The following AGBL4 variants were observed in gnomAD, a reference collection of about 807,000 sequenced individuals.
AGBL4 encodes the protein AGBL carboxypeptidase 4.
AGBL4 carries 58 observed loss-of-function variants against 66.4 expected under a neutral mutation model. That is an observed-to-expected ratio of 0.87 (90% CI 0.71 to 1.09). AGBL4 has a LOEUF of 1.09. Among genes scored for constraint, AGBL4 ranks in the 50% least tolerant of loss-of-function variants. The probability of loss-of-function intolerance (pLI) is 0.00; values close to 1 mark genes in which losing one functional copy is unlikely to be tolerated. For synonymous variants in AGBL4, 234 were observed against 222.9 expected (o/e 1.05, Z -0.44); for missense variants, 579 against 631.0 (o/e 0.92, Z 0.88).
chr1:49,113,425 T>C (rs991567880), intron 4 of AGBL4, among the ~76,000 whole-genome samples: 1 of 151,528 alleles, frequency 6.6e-6, no homozygotes, highest in Non-Finnish European at 1.5e-5. Flanking sequence ...TTTTTTTGTA[T>C]CTTTTTTAGT....
chr1:49,121,076 A>G (rs1248490144), intron 4 of AGBL4, among the ~76,000 whole-genome samples: 2 of 152,064 alleles, frequency 1.3e-5, no homozygotes, highest in East Asian at 1.9e-4. Context: ...CAGGTCTTCT[A>G]TATACTGTTT....
intron 1 of AGBL4, among the ~76,000 whole-genome samples, chr1:49,940,263 T>C (rs112192961): frequency 6.6e-6 from 1 of 152,148 alleles, no homozygotes; most frequent in East Asian, 1.9e-4. Context: ...GGGACTGTAA[T>C]TAGTTCAACC....
intron 1 of AGBL4, among the ~76,000 whole-genome samples, chr1:49,878,989 C>CT: frequency 1.0e-5 from 1 of 100,432 alleles, no homozygotes; most frequent in East Asian, 2.6e-4. Context: ...CAACCCCTGC[C>CT]TTTTTTTGTT....
At chr1:49,541,503 G>T (rs1367067654) in intron 3 of AGBL4, among the ~76,000 whole-genome samples, 2 of 152,214 alleles carry the variant, frequency 1.3e-5, no homozygotes, top group African/African-American at 4.8e-5. Context: ...GGTGCACCAG[G>T]TCCCCCAGCA....
chr1:48,613,427 T>A (rs1182608524), intron 9 of AGBL4, among the ~76,000 whole-genome samples: 1 of 152,182 alleles, frequency 6.6e-6, no homozygotes, highest in Non-Finnish European at 1.5e-5. Context: ...AATAAAGTAA[T>A]TTTGGTTGAT....
At chr1:49,120,207 T>G (rs987116735) in intron 4 of AGBL4, among the ~76,000 whole-genome samples, 3 of 152,234 alleles carry the variant, frequency 2.0e-5, no homozygotes, top group African/African-American at 7.2e-5. Context: ...TGTATGAATT[T>G]GATCCCATCA....
intron 1 of AGBL4, among the ~76,000 whole-genome samples, chr1:49,999,511 C>T (rs978151253): frequency 1.3e-5 from 2 of 152,054 alleles, no homozygotes; most frequent in Non-Finnish European, 2.9e-5. Flanking sequence ...GTGCCAAAAA[C>T]TATCTACAAA....
At chr1:48,882,556 C>G (rs770165522) in intron 5 of AGBL4, among the ~76,000 whole-genome samples, 11 of 151,878 alleles carry the variant, frequency 7.2e-5, no homozygotes, top group Admixed American at 7.2e-4. Context: ...ATGTCCTTAC[C>G]ACAAAAAAAG....
At chr1:48,692,165 AG>A (rs1301232780) in intron 6 of AGBL4, among the ~76,000 whole-genome samples, 74 of 152,340 alleles carry the variant, frequency 4.9e-4, no homozygotes, top group African/African-American at 1.6e-3. Flanking sequence ...GAGAGGAAGT[AG>A]AGATACAGGG....
chr1:49,084,401 A>G (rs1644866093), intron 4 of AGBL4, among the ~76,000 whole-genome samples: 1 of 152,208 alleles, frequency 6.6e-6, no homozygotes, highest in Non-Finnish European at 1.5e-5. Flanking sequence ...ACAGTTCCAC[A>G]TGGCTGCGGA....
chr1:49,699,606 G>A (rs1161299723), intron 2 of AGBL4, among the ~76,000 whole-genome samples: 1 of 151,888 alleles, frequency 6.6e-6, no homozygotes, highest in African/African-American at 2.4e-5. Flanking sequence ...TGAACCTGGA[G>A]TACATTATGC....
chr1:49,154,877 A>C (rs1440983962), intron 4 of AGBL4, among the ~76,000 whole-genome samples: 1 of 152,202 alleles, frequency 6.6e-6, no homozygotes, highest in East Asian at 1.9e-4. Flanking sequence ...TATTGCCCAC[A>C]CAATGAAGAG....
chr1:49,177,700 C>A (rs967450346), intron 4 of AGBL4, among the ~76,000 whole-genome samples: 17 of 152,034 alleles, frequency 1.1e-4, no homozygotes, highest in Admixed American at 1.1e-3. Context: ...CCATTAAGAC[C>A]AATCTATTGA....
intron 3 of AGBL4, among the ~76,000 whole-genome samples, chr1:49,281,576 C>A (rs1292620188): frequency 6.6e-6 from 1 of 152,228 alleles, no homozygotes; most frequent in Non-Finnish European, 1.5e-5. Flanking sequence ...CTTTACTCAA[C>A]TTTCCAATGA....
At chr1:48,766,723 C>G (rs1017432800) in intron 6 of AGBL4, among the ~76,000 whole-genome samples, 5 of 152,182 alleles carry the variant, frequency 3.3e-5, no homozygotes, top group African/African-American at 1.2e-4. Context: ...TTTCGAGGCT[C>G]CTCTGAGAGT....
intron 1 of AGBL4, among the ~76,000 whole-genome samples, chr1:49,903,360 G>A (rs907607048): frequency 1.3e-5 from 2 of 152,094 alleles, no homozygotes; most frequent in African/African-American, 4.8e-5. Flanking sequence ...TGAGGGTGGA[G>A]GGTAGGAGGA....
chr1:49,610,876 G>T (rs1457244272), intron 3 of AGBL4, among the ~76,000 whole-genome samples: 1 of 152,064 alleles, frequency 6.6e-6, no homozygotes, highest in Non-Finnish European at 1.5e-5. Context: ...CATATCACTC[G>T]GGGTCTGGCT....
chr1:49,723,897 G>A (rs776432509), intron 2 of AGBL4, among the ~76,000 whole-genome samples: 45 of 152,182 alleles, frequency 3.0e-4, no homozygotes, highest in Middle Eastern at 6.8e-3. Flanking sequence ...TATATGCATG[G>A]AAACCAGAAG....
At chr1:49,913,782 C>T (rs1292873006) in intron 1 of AGBL4, among the ~76,000 whole-genome samples, 1 of 152,200 alleles carries the variant, frequency 6.6e-6, no homozygotes, top group Non-Finnish European at 1.5e-5. Flanking sequence ...AGGTTTATGG[C>T]ATGTACCTTC....
Sources: allele counts gnomAD v4.1 joint callset (sites outside exome capture counted in the v4.1 genomes callset), GRCh38; gene constraint gnomAD v4.1.1; transcripts MANE v1.5; gene names NCBI Gene and HGNC (gene_info 2026-07-23, HGNC 2026-07-21).